ALG13: variants seen among roughly 807,000 people sequenced by gnomAD.
ALG13 encodes the protein ALG13 UDP-N-acetylglucosaminyltransferase subunit.
Under a neutral mutation model 87.8 loss-of-function variants are expected in ALG13, and 11 were observed. The observed-to-expected ratio is 0.13, with a 90% CI of 0.08 to 0.21. ALG13 has a LOEUF of 0.21. Among genes scored for constraint, ALG13 ranks in the 10% least tolerant of loss-of-function variants. The probability of loss-of-function intolerance (pLI) is 1.00; values close to 1 mark genes in which losing one functional copy is unlikely to be tolerated. For synonymous variants in ALG13, 320 were observed against 306.3 expected (o/e 1.04, Z -0.47); for missense variants, 756 against 866.1 (o/e 0.87, Z 1.60).
intron 3 of ALG13, chrX:111,686,060 C>T: frequency 3.2e-6 from 2 of 629,246 alleles, no homozygotes; most frequent in Non-Finnish European, 4.4e-6. Flanking sequence ...TTATTTTCTA[C>T]AAGTATATTA....
intron 19 of ALG13, 48 bp from the exon 20 acceptor site, chrX:111,730,347 A>G: frequency 8.6e-7 from 1 of 1,167,971 alleles, no homozygotes. Flanking sequence ...TGCTGAGCTA[A>G]AAAGACCTAT....
chrX:111,688,034 C>T lies in ALG13; in HGVS notation c.383+2931C>T, dbSNP rs752288318. On this transcript the variant is annotated intron_variant, in intron 3 of 26. Transcript: ENST00000394780. ...ACTCTCAACACTTTAAAAGCAACCC[C>T]CAAATTCAACCTATGTAATGTGATT... 5 of 1,077,962 alleles carry T rather than the reference C, an allele frequency of 4.6e-6. No individual in the cohort carries two copies. The African/African-American group carries it at 7.6e-5, about 16-fold the overall frequency. The allele number at this position is 1,077,962 out of a possible 1,213,427, so 88.8% of individuals were successfully genotyped here. A position where few individuals can be genotyped will look rare whatever the true frequency, so the allele number is the denominator to read the frequency against.
chrX:111,716,533 C>T (rs1256843370), intron 8 of ALG13, among the ~76,000 whole-genome samples: 2 of 112,396 alleles, frequency 1.8e-5, no homozygotes. Context: ...TCAAAATCTG[C>T]TCACTGTTCT....
Position 111,690,329 on chromosome X carries a change from ATTG to A in ALG13, c.383+5227_383+5229del, listed in dbSNP as rs1935906649. ...ATAAGGAAATGAAAGAGAGTTTAGCATTGGGAAATTTGCACCATGGATAGATTA... is the reference window on the plus strand; with the variant it reads ...ATAAGGAAATGAAAGAGAGTTTAGCAGGAAATTTGCACCATGGATAGATTA... On this transcript the variant is annotated intron_variant, in intron 3 of 26. Coordinates refer to ENST00000394780, the MANE Select transcript of ALG13 (RefSeq NM_001099922.3). The A allele has an allele frequency of 8.0e-6, 6 of 750,175 alleles. No individual in the cohort carries two copies. In the African/African-American group the frequency reaches 1.2e-4, roughly 14 times the overall value. 61.8% of individuals were successfully genotyped at this position (750,175 alleles called of 1,213,427 possible).
chrX:111,755,083 A>G (rs760117797), intron 25 of ALG13, among the ~76,000 whole-genome samples: 3 of 111,660 alleles, frequency 2.7e-5, no homozygotes, highest in Non-Finnish European at 3.8e-5. Context: ...ATATAGACCA[A>G]TAGGACCAAT....
At chrX:111,701,916 C>T (rs1412619480) in intron 3 of ALG13, among the ~76,000 whole-genome samples, 2 of 110,930 alleles carry the variant, frequency 1.8e-5, no homozygotes, top group African/African-American at 6.5e-5. Flanking sequence ...TTGATTTATT[C>T]TGTGACACAT....
rs772388853 is a variant in ALG13, at chrX:111,720,564, A to T, written c.1326+394A>T. Among the ~76,000 whole-genome samples the T allele has an allele frequency of 4.5e-5, 5 of 111,562 alleles. No homozygotes were observed. In the South Asian group the frequency reaches 1.9e-3, roughly 42 times the overall value. The stretch of plus-strand genomic sequence containing the variant: ...ATGGTTTAAAGTTAGAGAAACAGAA[A>T]TTTCACCATCCGTATAGGACTAAAA... On this transcript the variant is annotated intron_variant, in intron 11 of 26. Coordinates refer to ENST00000394780, the MANE Select transcript of ALG13 (RefSeq NM_001099922.3).
rs1391853574 is a variant in ALG13 at position 111,727,695 on chromosome X, G to A, written c.2172G>A (p.Met724Ile). 8.3e-7 allele frequency: 1 copy of A among 1,209,210 alleles called. No individual in the cohort carries two copies. ...QYGFTPGNGQ[M>I]PRGLEETITF... The stretch of plus-strand genomic sequence containing the variant: ...GATTTACCCCAGGGAATGGACAGAT[G>A]CCCAGGGGCTTGGAAGAAACTATTA... Residue 724 changes from methionine (M) to isoleucine (I), a missense_variant, in exon 18 of 27, where the codon ATG (methionine) becomes ATA (isoleucine). Coordinates refer to ENST00000394780, the MANE Select transcript of ALG13 (RefSeq NM_001099922.3).
chrX:111,759,612 G>C, intron 26 of ALG13, 122 bp from the exon 27 acceptor site: 1 of 534,167 alleles, frequency 1.9e-6, no homozygotes, highest in Non-Finnish European at 2.9e-6. Context: ...TGCTGCAATT[G>C]CTGTGATCTT....
chrX:111,703,619 A>G (rs1938273061), intron 3 of ALG13, among the ~76,000 whole-genome samples: 1 of 112,097 alleles, frequency 8.9e-6, no homozygotes, highest in South Asian at 3.7e-4. Flanking sequence ...GCAGGCATAC[A>G]GTGTGTAGCC....
rs57223162 is a variant in ALG13, at chrX:111,741,782, C to T, written c.2696-2886C>T. Among the ~76,000 whole-genome samples the T allele has an allele frequency of 5.7e-3, 613 of 107,310 alleles. 4 individuals are homozygous for T. Among genetic ancestry groups the T allele is most frequent in the African/African-American group, 0.02 (578 of 28,932 alleles). 93.2% of individuals were successfully genotyped at this position (107,310 alleles called of 115,157 possible). On this transcript the variant is annotated intron_variant, in intron 23 of 26. Transcript: ENST00000394780. ...GAGCTGAGATCACATCATTGCACTC[C>T]AGCCTGGGCAAGAGCGAGACTTTGT...
At chrX:111,719,189 G>T (rs1941077732) in intron 10 of ALG13, among the ~76,000 whole-genome samples, 1 of 110,081 alleles carries the variant, frequency 9.1e-6, no homozygotes, top group Admixed American at 9.7e-5. Context: ...ACCAAGCCCG[G>T]CTAATTTTTT....
chrX:111,756,909 A>G (rs1464221887), intron 25 of ALG13, among the ~76,000 whole-genome samples: 1 of 112,054 alleles, frequency 8.9e-6, no homozygotes, highest in East Asian at 2.8e-4. Flanking sequence ...TTAGTTTATT[A>G]TAGTCACATG....
At chrX:111,750,205 A>G (rs1398522260) in intron 24 of ALG13, among the ~76,000 whole-genome samples, 2 of 111,319 alleles carry the variant, frequency 1.8e-5, no homozygotes, top group Non-Finnish European at 3.8e-5. Context: ...CCCCGAGAAT[A>G]TATCATGTAT....
intron 3 of ALG13, among the ~76,000 whole-genome samples, chrX:111,694,137 G>A (rs1027774629): frequency 1.0e-4 from 11 of 110,135 alleles, no homozygotes; most frequent in Admixed American, 1.9e-4. Context: ...TCCGCCTCTC[G>A]GGTTCACGCC....
At chrX:111,754,175 C>T (rs1569523539) in intron 25 of ALG13, among the ~76,000 whole-genome samples, 1 of 111,677 alleles carries the variant, frequency 9.0e-6, no homozygotes. Flanking sequence ...ACAAAAACCA[C>T]ATGATTATCT....
chrX:111,694,697 A>C (rs1420771305), intron 3 of ALG13, among the ~76,000 whole-genome samples: 2 of 111,981 alleles, frequency 1.8e-5, no homozygotes, highest in Non-Finnish European at 3.8e-5. Context: ...CATCTTTTTG[A>C]ATGATCATTT....
intron 5 of ALG13, 134 bp downstream of exon 5, chrX:111,709,182 C>T (rs2148007420): frequency 3.5e-6 from 1 of 283,880 alleles, no homozygotes; most frequent in East Asian, 6.9e-5. Flanking sequence ...CAACTGGCTC[C>T]CTTCCCAGTA....
At chrX:111,726,309 T>C (rs1282602302) in intron 15 of ALG13, among the ~76,000 whole-genome samples, 1 of 99,115 alleles carries the variant, frequency 1.0e-5, no homozygotes, top group Non-Finnish European at 2.0e-5. Context: ...TCTTGGCTCA[T>C]TGCAACCTCC....
Sources: gnomAD v4.1 joint callset for allele counts (sites outside exome capture counted in the v4.1 genomes callset) on GRCh38, gnomAD v4.1.1 for gene constraint, MANE v1.5 for transcripts, NCBI Gene and HGNC (gene_info 2026-07-23, HGNC 2026-07-21) for gene names.